The following ZNF107 variants were observed in gnomAD, a reference collection of about 807,000 sequenced individuals.
ZNF107 encodes the protein zinc finger protein 107, also known as C2H2 type zinc-finger protein.
Under a neutral mutation model 12.3 loss-of-function variants are expected in ZNF107, and 19 were observed. The observed-to-expected ratio is 1.55, with a 90% CI of 1.08 to 2.27. The LOEUF is 2.27. Among genes scored for constraint, ZNF107 ranks in the 30% most tolerant of loss-of-function variants. ZNF107 has a pLI of 0.00. For synonymous variants in ZNF107, 317 were observed against 330.5 expected, an observed-to-expected ratio of 0.96 and a Z score of 0.44; for missense variants, 958 against 979.9, an observed-to-expected ratio of 0.98 and a Z score of 0.30.
intron 1 of ZNF107, chr7:64,679,092 G>T: frequency 5.7e-6 from 2 of 351,324 alleles, no homozygotes; most frequent in Non-Finnish European, 8.0e-6. Context: ...GACGACCCAA[G>T]CAGGCTTTGT....
chr7:64,669,817 A>G (rs1789154080), intron 1 of ZNF107, among the ~76,000 whole-genome samples: 1 of 152,180 alleles, frequency 6.6e-6, no homozygotes, highest in Non-Finnish European at 1.5e-5. Flanking sequence ...TTTCCTTCCC[A>G]TATATAAATA....
chr7:64,690,787 G>C (rs1398695492), intron 1 of ZNF107, among the ~76,000 whole-genome samples: 1 of 151,912 alleles, frequency 6.6e-6, no homozygotes, highest in Non-Finnish European at 1.5e-5. Flanking sequence ...CTGTTGTCAG[G>C]CTGGCGTGCA....
In ZNF107 at chr7:64,706,443, G is replaced by T; in HGVS notation, c.346G>T (p.Gly116Cys). The T allele has an allele frequency of 6.2e-7, 1 of 1,613,620 alleles. No homozygotes were observed. ...ATATGAGAATTTACAGTTAAGAAAAGGCTGTAAACATGTGGATGAGTGTAC... is the reference window on the plus strand; with the variant it reads ...ATATGAGAATTTACAGTTAAGAAAATGCTGTAAACATGTGGATGAGTGTAC... ...CEYENLQLRKGCKHVDECTGH... is the reference protein window; with the variant it reads ...CEYENLQLRKCCKHVDECTGH... Residue 116 changes from glycine (G) to cysteine (C), a missense_variant, in exon 4 of 4, where the codon GGC (glycine) becomes TGC (cysteine). Gly to Cys is a radical substitution (Grantham distance 159). Transcript: ENST00000620827.
At chr7:64,674,788 G>A (rs1789359260) in intron 1 of ZNF107, among the ~76,000 whole-genome samples, 1 of 152,126 alleles carries the variant, frequency 6.6e-6, no homozygotes, top group Admixed American at 6.6e-5. Context: ...CTACTTTGTT[G>A]AGGGCCTTTA....
intron 1 of ZNF107, chr7:64,684,512 C>T (rs760782621): frequency 1.3e-5 from 12 of 901,822 alleles, no homozygotes; most frequent in Non-Finnish European, 1.6e-5. Context: ...AAGCTGTGTC[C>T]ATCTGACACT....
intron 1 of ZNF107, 57 bp downstream of exon 1, chr7:64,666,342 C>A: frequency 1.3e-6 from 2 of 1,595,748 alleles, no homozygotes; most frequent in Non-Finnish European, 8.5e-7. Context: ...TGGAACCGAT[C>A]GGAAGTGGCT....
chr7:64,693,067 C>T (rs905380693), intron 3 of ZNF107, among the ~76,000 whole-genome samples: 12 of 151,708 alleles, frequency 7.9e-5, no homozygotes, highest in Non-Finnish European at 1.2e-4. Context: ...GGCGTGATCT[C>T]GGCTCACTGC....
chr7:64,666,277 C>G lies in ZNF107; in HGVS notation c.-6C>G. The G allele has an allele frequency of 6.2e-7, 1 of 1,610,172 alleles. No homozygotes were observed. On this transcript the variant is annotated 5_prime_UTR_variant, in exon 1 of 4. Transcript: ENST00000620827. Reference sequence around the variant, plus strand: ...TAAGACGCCGGGACTCCCTGGAAACCTAGAAATGGTGAGAGTGCTGGGTCC... The same window carrying G: ...TAAGACGCCGGGACTCCCTGGAAACGTAGAAATGGTGAGAGTGCTGGGTCC...
rs778757653 is a variant in ZNF107 at position 64,706,419 on chromosome 7, T to C, written c.322T>C (p.Tyr108His). The C allele has an allele frequency of 1.9e-6, 3 of 1,613,552 alleles. No homozygotes were observed. The highest frequency in any genetic ancestry group is 2.5e-6 in the Non-Finnish European group (3 of 1,179,690). ...VTLRRYGKCEYENLQLRKGCK... is the reference protein window; with the variant it reads ...VTLRRYGKCEHENLQLRKGCK... ...ACTGAGAAGATACGGAAAATGTGAA[T>C]ATGAGAATTTACAGTTAAGAAAAGG... is the stretch of plus-strand genomic sequence containing the variant. Residue 108 changes from tyrosine (Y) to histidine (H), a missense_variant, in exon 4 of 4, where the codon TAT becomes CAT. Tyr to His is a moderately conservative substitution (Grantham distance 83, BLOSUM62 2). Coordinates refer to ENST00000620827, the MANE Select transcript of ZNF107 (RefSeq NM_001282359.2).
chr7:64,690,197 G>A (rs1309243927), intron 1 of ZNF107: 1 of 248,982 alleles, frequency 4.0e-6, no homozygotes, highest in Non-Finnish European at 6.4e-6. Context: ...GACCACAAGA[G>A]TTTTAAATAT....
At chr7:64,696,328 A>G (rs1179320721) in intron 3 of ZNF107, among the ~76,000 whole-genome samples, 3 of 152,030 alleles carry the variant, frequency 2.0e-5, no homozygotes, top group Non-Finnish European at 2.9e-5. Flanking sequence ...GATTACAGGC[A>G]TGAGCCACCG....
intron 1 of ZNF107, among the ~76,000 whole-genome samples, chr7:64,682,219 A>T (rs964566462): frequency 6.6e-6 from 1 of 151,698 alleles, no homozygotes; most frequent in South Asian, 2.1e-4. Context: ...CTAAAGCTCA[A>T]ATTTCTTCCC....
At chr7:64,685,772 A>G (rs1462599285) in intron 1 of ZNF107, among the ~76,000 whole-genome samples, 1 of 152,066 alleles carries the variant, frequency 6.6e-6, no homozygotes, top group African/African-American at 2.4e-5. Context: ...ACTTCAACCT[A>G]TGTCTGCCTC....
chr7:64,668,095 A>G (rs1424183357), intron 1 of ZNF107, among the ~76,000 whole-genome samples: 1 of 152,112 alleles, frequency 6.6e-6, no homozygotes, highest in Admixed American at 6.6e-5. Context: ...AGGATGGGGT[A>G]GGAGAATCTA....
In ZNF107 at chr7:64,691,961, G is replaced by C. The variant is rs201202976; in HGVS notation, c.226+1G>C. 233 of 1,507,658 alleles carry C rather than the reference G, an allele frequency of 1.5e-4. No homozygotes were observed. Among genetic ancestry groups the C allele is most frequent in the Non-Finnish European group, 2.0e-4 (223 of 1,128,580 alleles). 93.4% of individuals were successfully genotyped at this position (1,507,658 alleles called of 1,614,324 possible). A position where few individuals can be genotyped will look rare whatever the true frequency, so the allele number is the denominator to read the frequency against. On this transcript the variant is annotated splice_donor_variant, in intron 3 of 3. Coordinates refer to ENST00000620827, the MANE Select transcript of ZNF107 (RefSeq NM_001282359.2). LOFTEE classifies it high-confidence loss of function. ...CATGAGATGGTAGCCAAACCCCCAG[G>C]TAGGTGAGAGTGAAAGTGAATACAA...
At chr7:64,683,170 C>T (rs1010242146) in intron 1 of ZNF107, among the ~76,000 whole-genome samples, 6 of 152,216 alleles carry the variant, frequency 3.9e-5, no homozygotes, top group African/African-American at 1.2e-4. Context: ...AGGGAATGCA[C>T]GTCAATATTT....
rs756251513 is a variant in ZNF107 at position 64,706,732 on chromosome 7, G to A, written c.635G>A (p.Trp212Ter). The change falls in exon 4 of 4, where the codon TGG (tryptophan) becomes TAG (stop). Residue 212 changes from tryptophan (W) to a stop codon, truncating the protein, a stop_gained. Transcript: ENST00000620827. LOFTEE classifies it low-confidence loss of function (END_TRUNC). ...KCEECGKAFNWFSTLTKHKRI... is the reference protein window; with the variant it reads ...KCEECGKAFN ...GAAGAATGTGGAAAAGCCTTTAACTGGTTCTCAACTCTTACTAAACATAAG... is the reference window on the plus strand; with the variant it reads ...GAAGAATGTGGAAAAGCCTTTAACTAGTTCTCAACTCTTACTAAACATAAG... 6.2e-7 allele frequency: 1 copy of A among 1,612,176 alleles called. No individual in the cohort carries two copies. Among genetic ancestry groups the A allele is most frequent in the South Asian group, 1.1e-5 (1 of 90,824 alleles).
At chr7:64,668,067 T>C (rs970716189) in intron 1 of ZNF107, among the ~76,000 whole-genome samples, 5 of 151,986 alleles carry the variant, frequency 3.3e-5, no homozygotes, top group Admixed American at 6.6e-5. Flanking sequence ...AGGGTGGTCA[T>C]TGGGCACTTA....
rs546842354 is a variant in ZNF107 at position 64,707,147 on chromosome 7, T to C, written c.1050T>C (p.Phe350=). The change falls in exon 4 of 4, where the codon TTT becomes TTC. Residue 350 remains phenylalanine (F), a synonymous_variant. Coordinates refer to ENST00000620827, the MANE Select transcript of ZNF107 (RefSeq NM_001282359.2). ...PYKCKECGRA[F]NISSNLNKQE... ...AATGTAAAGAATGTGGCAGAGCTTT[T>C]AACATATCCTCAAACCTTAATAAAC... The C allele has an allele frequency of 1.2e-5, 19 of 1,613,744 alleles. 1 individual carries two copies. The African/African-American group carries it at 2.0e-4, about 17-fold the overall frequency.
Sources: gnomAD v4.1 joint callset for allele counts (sites outside exome capture counted in the v4.1 genomes callset) on GRCh38, gnomAD v4.1.1 for gene constraint, MANE v1.5 for transcripts, NCBI Gene and HGNC (gene_info 2026-07-23, HGNC 2026-07-21) for gene names.